CUL4B: variants seen among roughly 807,000 people sequenced by gnomAD.
CUL4B encodes cullin-4B.
Under a neutral mutation model 69.2 loss-of-function variants are expected in CUL4B, and 1 was observed. That is an observed-to-expected ratio of 0.01 (90% CI 0.01 to 0.07). The LOEUF (loss-of-function observed/expected upper bound fraction) is 0.07. Ranked by LOEUF, CUL4B falls within the 10% of genes least tolerant of loss-of-function variation. The pLI is 1.00. For synonymous variants in CUL4B, 237 were observed against 223.2 expected (o/e 1.06, Z -0.55); for missense variants, 328 against 638.8 (o/e 0.51, Z 5.24).
intron 13 of CUL4B, 91 bp from the exon 14 acceptor site, chrX:120,538,300 T>C (rs900208886): frequency 3.5e-6 from 2 of 563,873 alleles, no homozygotes; most frequent in East Asian, 6.8e-5. Context: ...AAAACTTTAG[T>C]ATGAAGTATG....
At chrX:120,565,095 G>GTAAC (rs1202115088), upstream of CUL4B, among the ~76,000 whole-genome samples, 1 of 111,465 alleles carries the variant, frequency 9.0e-6, no homozygotes, top group Non-Finnish European at 1.9e-5. Context: ...AAGGCAGAGT[G>GTAAC]TAACCCATTT....
At chrX:120,564,669 T>C (rs1042481136), upstream of CUL4B, among the ~76,000 whole-genome samples, 6 of 112,587 alleles carry the variant, frequency 5.3e-5, no homozygotes, top group Non-Finnish European at 9.4e-5. Context: ...AACCAACTAA[T>C]TGAGGCTAGT....
At chrX:120,535,704 C>CAAAAAAAAAAAAAAAAA (rs71820203) in intron 16 of CUL4B, 126 bp downstream of exon 16, 2 of 189,761 alleles carry the variant, frequency 1.1e-5, no homozygotes, top group Non-Finnish European at 1.8e-5. Flanking sequence ...GACTCTGTCT[C>CAAAAAAAAAAAAAAAAA]AAAAAAAAAA....
chrX:120,536,244 T>C (rs750971013), intron 15 of CUL4B, among the ~76,000 whole-genome samples: 123 of 113,119 alleles, frequency 1.1e-3, no homozygotes, highest in Middle Eastern at 9.2e-3. Flanking sequence ...TGCTTCTGCA[T>C]TGGTTTCCTT....
At chrX:120,543,982 A>G in intron 7 of CUL4B, 132 bp downstream of exon 7, 2 of 570,237 alleles carry the variant, frequency 3.5e-6, no homozygotes, top group Non-Finnish European at 5.9e-6. Context: ...AAGAGAGAAA[A>G]GAAAGGAGCA....
Position 120,526,684 on chromosome X carries a change from T to C in CUL4B, c.*77A>G. ...TTGGTCATCGGTAGTAAAAAAGGAG[T>C]CAAATAATATTGAATCAACAGGTTA... On this transcript the variant is annotated 3_prime_UTR_variant, in exon 20 of 20. Coordinates refer to ENST00000371322, the MANE Select transcript of CUL4B (RefSeq NM_001079872.2). 1.5e-6 allele frequency: 1 copy of C among 650,315 alleles called. No individual in the cohort carries two copies. Among genetic ancestry groups the C allele is most frequent in the South Asian group, 2.2e-5 (1 of 45,444 alleles). 53.6% of individuals were successfully genotyped at this position (650,315 alleles called of 1,213,427 possible).
chrX:120,571,192 T>G (rs1427550853), exon 3 of CUL4B: 2 of 111,620 alleles, frequency 1.8e-5, no homozygotes, highest in Non-Finnish European at 3.8e-5. Flanking sequence ...CCTGGATGTT[T>G]ATTTAATAAT....
At chrX:120,534,829 A>C (rs1346040103) in intron 16 of CUL4B, among the ~76,000 whole-genome samples, 3 of 111,468 alleles carry the variant, frequency 2.7e-5, no homozygotes, top group Non-Finnish European at 1.9e-5. Context: ...TATAAATAGA[A>C]TACAGTAATG....
chrX:120,571,097 A>G (rs12839503), downstream of CUL4B: 6,665 of 109,452 alleles, frequency 0.061, 220 homozygotes, highest in African/African-American at 0.11. Flanking sequence ...TAGGGGAAGT[A>G]TGGGAGGAAA....
At chrX:120,555,139 G>A (rs751584306) in intron 2 of CUL4B, among the ~76,000 whole-genome samples, 1 of 112,162 alleles carries the variant, frequency 8.9e-6, no homozygotes, top group East Asian at 2.8e-4. Context: ...TAAAACTTAC[G>A]AAGTACAAGA....
chrX:120,563,463 C>T (rs1925401892), upstream of CUL4B, among the ~76,000 whole-genome samples: 2 of 111,601 alleles, frequency 1.8e-5, no homozygotes, highest in South Asian at 7.4e-4. Context: ...TCTCGAACTC[C>T]TGGCCTCAAG....
At chrX:120,544,345 G>T (rs1307307574) in intron 6 of CUL4B, 136 bp downstream of exon 6, 2 of 820,800 alleles carry the variant, frequency 2.4e-6, no homozygotes, top group Admixed American at 4.9e-5. Flanking sequence ...CATGATGATT[G>T]GGTTTTTATG....
intron 2 of CUL4B, among the ~76,000 whole-genome samples, chrX:120,554,298 G>A (rs1349376839): frequency 1.8e-5 from 2 of 111,718 alleles, no homozygotes; most frequent in Non-Finnish European, 3.8e-5. Context: ...GAAGTAACTC[G>A]CCCAAAGTTA....
At position 120,532,380 on chromosome X, in the gene CUL4B, T is replaced by G. The variant is rs1923370461; in HGVS notation, c.2439+42A>C. 2.9e-6 allele frequency: 3 copies of G among 1,031,518 alleles called. No homozygotes were observed. The African/African-American group carries it at 5.5e-5, about 19-fold the overall frequency. 85.0% of individuals were successfully genotyped at this position (1,031,518 alleles called of 1,213,427 possible). On this transcript the variant is annotated intron_variant, in intron 18 of 19. Coordinates refer to ENST00000371322, the MANE Select transcript of CUL4B (RefSeq NM_001079872.2). ...TATATATTTTGATTATTAACATGTA[T>G]AATTCCAGTGTGTTAGGACTAAGAG...
At chrX:120,564,804 T>C (rs942495656), upstream of CUL4B, among the ~76,000 whole-genome samples, 6 of 112,571 alleles carry the variant, frequency 5.3e-5, no homozygotes, top group African/African-American at 1.6e-4. Flanking sequence ...AGATGTGTAA[T>C]GTAGGACACC....
At chrX:120,559,936 C>CA in intron 1 of CUL4B, 147 bp downstream of exon 1, 2 of 1,143,976 alleles carry the variant, frequency 1.7e-6, no homozygotes, top group Non-Finnish European at 2.3e-6. Context: ...AACCCTCCAC[C>CA]AAAAAAGGAC....
chrX:120,572,302 TAAAAAA>T (rs1260889080), intron 2 of CUL4B, among the ~76,000 whole-genome samples: 1 of 107,537 alleles, frequency 9.3e-6, no homozygotes, highest in Non-Finnish European at 1.9e-5. Flanking sequence ...TGTCTTTACT[TAAAAAA>T]TATAAAATTA....
rs1186348723 is a variant in CUL4B at position 120,560,470 on chromosome X, C to A, written c.169G>T (p.Asp57Tyr). Residue 57 changes from aspartate (D) to tyrosine (Y), a missense_variant, in exon 1 of 20, where the codon GAC becomes TAC. Transcript: ENST00000371322. ...GAGGAGGAAGAGGTGGAATCAAAGT[C>A]TTCTCTCTCGTTACTACTGTTACTG... The part of the protein sequence containing the change: ...SSSNSSNERE[D>Y]FDSTSSSSST... 8.3e-7 allele frequency: 1 copy of A among 1,210,400 alleles called. No individual in the cohort carries two copies. Among genetic ancestry groups the A allele is most frequent in the Non-Finnish European group, 1.1e-6 (1 of 894,414 alleles).
rs191699628 is a variant in CUL4B at position 120,556,988 on chromosome X, C to T, written c.672+936G>A. Among the ~76,000 whole-genome samples, 784 of 108,276 alleles carry T rather than the reference C, an allele frequency of 7.2e-3. 13 individuals are homozygous for T. Among genetic ancestry groups the T allele is most frequent in the African/African-American group, 0.025 (748 of 29,499 alleles). 94.0% of individuals were successfully genotyped at this position (108,276 alleles called of 115,157 possible). A position where few individuals can be genotyped will look rare whatever the true frequency, so the allele number is the denominator to read the frequency against. On this transcript the variant is annotated intron_variant, in intron 2 of 19. Transcript: ENST00000371322. ...GTGCAATGGTGCAATCTCGGCTCAC[C>T]GCAACCTCTACCTCCTGGGTTCAAG... is the stretch of plus-strand genomic sequence containing the variant.
Sources: gnomAD v4.1 joint callset for allele counts (sites outside exome capture counted in the v4.1 genomes callset) on GRCh38, gnomAD v4.1.1 for gene constraint, MANE v1.5 for transcripts, NCBI Gene and HGNC (gene_info 2026-07-23, HGNC 2026-07-21) for gene names.